CFAP251: variants seen among roughly 807,000 people sequenced by gnomAD.
CFAP251 encodes cilia- and flagella-associated protein 251.
Under a neutral mutation model 126.7 loss-of-function variants are expected in CFAP251, and 93 were observed. That is an observed-to-expected ratio of 0.73 (90% CI 0.62 to 0.87). CFAP251 has a LOEUF of 0.87. CFAP251 is among the 40% of genes least tolerant of loss of function. The pLI, the probability that CFAP251 is intolerant of heterozygous loss-of-function variation, is 0.00. For missense variants in CFAP251, 1,287 were observed against 1,389.2 expected (o/e 0.93, Z 1.17); for synonymous variants, 503 against 506.9 (o/e 0.99, Z 0.10).
At chr12:121,938,728 A>T (rs1880987730) in intron 5 of CFAP251, among the ~76,000 whole-genome samples, 1 of 149,078 alleles carries the variant, frequency 6.7e-6, no homozygotes, top group Non-Finnish European at 1.5e-5. Context: ...CATGCCTGTA[A>T]TCCCAGCACT....
intron 17 of CFAP251, chr12:121,969,241 T>C (rs1470896374): frequency 3.0e-6 from 3 of 985,260 alleles, no homozygotes; most frequent in Non-Finnish European, 3.6e-6. Context: ...TGAGCAAAAA[T>C]AGCCGGTTAA....
intron 10 of CFAP251, 29 bp downstream of exon 10, chr12:121,954,363 A>G (rs1398998303): frequency 1.4e-5 from 21 of 1,549,046 alleles, no homozygotes; most frequent in Non-Finnish European, 1.8e-5. Flanking sequence ...AAAGATAACT[A>G]TGGATAATTA....
chr12:121,940,687 C>T (rs945131628), intron 5 of CFAP251, among the ~76,000 whole-genome samples: 1 of 152,196 alleles, frequency 6.6e-6, no homozygotes, highest in Non-Finnish European at 1.5e-5. Flanking sequence ...TGTGCTTTGG[C>T]TGTCTTAGAT....
chr12:121,934,952 G>A lies in CFAP251; in HGVS notation c.998+596G>A, dbSNP rs372091788. On this transcript the variant is annotated intron_variant, in intron 5 of 21. Coordinates refer to ENST00000288912, the MANE Select transcript of CFAP251 (RefSeq NM_144668.6). ...CTCCTGAGTAGCTGGGACCACAGGC[G>A]CATGCAACCACACCTGGCTAACTTA... 8.6e-5 allele frequency among the ~76,000 whole-genome samples: 13 copies of A among 152,022 alleles called. No individual in the cohort carries two copies. The East Asian group carries it at 2.1e-3, about 25-fold the overall frequency.
At chr12:121,981,974 C>T (rs1388686009) in intron 19 of CFAP251, among the ~76,000 whole-genome samples, 4 of 152,084 alleles carry the variant, frequency 2.6e-5, no homozygotes, top group East Asian at 1.9e-4. Context: ...ACACGGCACA[C>T]GTTAAATGTT....
intron 21 of CFAP251, 186 bp downstream of exon 21, chr12:122,001,784 C>T (rs181258963): frequency 3.6e-5 from 22 of 611,562 alleles, no homozygotes; most frequent in African/African-American, 2.0e-4. Context: ...CTTTTGTTCC[C>T]GCGCTCTGTC....
At chr12:121,966,427 ATTTTT>A (rs1159106051) in intron 15 of CFAP251, among the ~76,000 whole-genome samples, 1 of 54,690 alleles carries the variant, frequency 1.8e-5, no homozygotes, top group South Asian at 8.8e-4. Context: ...TGCCTGGCTA[ATTTTT>A]TTTTTTTTTT....
rs559248917 is a variant in CFAP251 at position 121,976,733 on chromosome 12, C to T, written c.3006+1048C>T. ...AGCAGCCAGGGTAACATAGAGAGAT[C>T]CTATCTATACCCATCCCCCCCAAAA... On this transcript the variant is annotated intron_variant, in intron 19 of 21. Transcript: ENST00000288912. Among the ~76,000 whole-genome samples, 23 of 151,996 alleles carry T rather than the reference C, an allele frequency of 1.5e-4. 1 individual carries two copies. The South Asian group carries it at 1.9e-3, about 12-fold the overall frequency.
chr12:121,921,085 G>T (rs1382696095), intron 1 of CFAP251, among the ~76,000 whole-genome samples: 2 of 151,412 alleles, frequency 1.3e-5, no homozygotes, highest in African/African-American at 4.9e-5. Flanking sequence ...CTGACCTCAG[G>T]TGATCCATCT....
At chr12:121,967,772 G>C (rs1192000243) in intron 16 of CFAP251, among the ~76,000 whole-genome samples, 1 of 152,224 alleles carries the variant, frequency 6.6e-6, no homozygotes, top group Non-Finnish European at 1.5e-5. Context: ...GACCATGAAG[G>C]CAGGGAGGAA....
intron 19 of CFAP251, among the ~76,000 whole-genome samples, chr12:121,987,455 C>T (rs955920260): frequency 6.6e-6 from 1 of 152,122 alleles, no homozygotes; most frequent in Non-Finnish European, 1.5e-5. Context: ...TGGTTCATAC[C>T]CGTAATCCCA....
intron 17 of CFAP251, among the ~76,000 whole-genome samples, chr12:121,970,912 T>C (rs1408675179): frequency 6.6e-6 from 1 of 152,160 alleles, no homozygotes; most frequent in Non-Finnish European, 1.5e-5. Context: ...GGAGTCTCTT[T>C]CCCAGCTTGT....
At chr12:121,954,636 TAAAAAAAAAA>T (rs1174239421) in intron 10 of CFAP251, among the ~76,000 whole-genome samples, 15 of 41,984 alleles carry the variant, frequency 3.6e-4, no homozygotes, top group East Asian at 9.1e-4. Flanking sequence ...CCTCCTGTCT[TAAAAAAAAAA>T]AAAAAAAAAA....
chr12:121,991,639 G>T (rs1399156213), intron 19 of CFAP251, among the ~76,000 whole-genome samples: 1 of 152,094 alleles, frequency 6.6e-6, no homozygotes, highest in East Asian at 1.9e-4. Context: ...TCTCAAGCTT[G>T]GCTACGCATT....
In CFAP251 at chr12:121,974,559, T is replaced by A. The variant is rs1882411150; in HGVS notation, c.2772-685T>A. On this transcript the variant is annotated intron_variant, in intron 17 of 21. Coordinates refer to ENST00000288912, the MANE Select transcript of CFAP251 (RefSeq NM_144668.6). The surrounding 1 kb of genome is among the most constrained non-coding windows in gnomAD (Gnocchi z 4.6). Reference sequence around the variant, plus strand: ...ACTTCCCCACTTCCCCACTGTGGTCTACATGAGGTGTGCTTGATGTCGCAG... The same window carrying A: ...ACTTCCCCACTTCCCCACTGTGGTCAACATGAGGTGTGCTTGATGTCGCAG... Among the ~76,000 whole-genome samples the A allele has an allele frequency of 6.6e-6, 1 of 152,164 alleles. No homozygotes were observed. Among genetic ancestry groups the A allele is most frequent in the Admixed American group, 6.5e-5 (1 of 15,274 alleles).
At chr12:121,988,217 T>G (rs1882796809) in intron 19 of CFAP251, among the ~76,000 whole-genome samples, 1 of 152,160 alleles carries the variant, frequency 6.6e-6, no homozygotes, top group Non-Finnish European at 1.5e-5. Context: ...TTATTTTCTT[T>G]TCTTAAAAAA....
chr12:121,967,681 G>A (rs562693508), intron 16 of CFAP251, among the ~76,000 whole-genome samples: 10 of 152,316 alleles, frequency 6.6e-5, no homozygotes, highest in Non-Finnish European at 1.5e-4. Context: ...CAGCCTGGAC[G>A]ACAGAGTGAG....
At chr12:122,002,546 AAAAG>A (rs780364383) in intron 21 of CFAP251, among the ~76,000 whole-genome samples, 3 of 151,634 alleles carry the variant, frequency 2.0e-5, no homozygotes, top group Non-Finnish European at 2.9e-5. Context: ...TCTCAATTAA[AAAAG>A]AGAGAGAGAG....
In CFAP251 at chr12:121,923,749, A is replaced by G; in HGVS notation, c.506A>G (p.Gln169Arg). 6.2e-7 allele frequency: 1 copy of G among 1,614,200 alleles called. No individual in the cohort carries two copies. Among genetic ancestry groups the G allele is most frequent in the Middle Eastern group, 1.6e-4 (1 of 6,062 alleles). The change falls in exon 3 of 22, where the codon CAA becomes CGA. Residue 169 changes from glutamine (Q) to arginine (R), a missense_variant. Gln to Arg is a conservative substitution (Grantham distance 43, BLOSUM62 1). Transcript: ENST00000288912. ...TTGGATCAAATCAGTCCTGAGGAACAACAGATTAGTTCCCCTGAAAGGCAG... is the reference window on the plus strand; with the variant it reads ...TTGGATCAAATCAGTCCTGAGGAACGACAGATTAGTTCCCCTGAAAGGCAG... Reference protein sequence around the residue: ...LDLDQISPEEQQISSPERQPS... With the variant: ...LDLDQISPEERQISSPERQPS...
Sources: gnomAD v4.1 joint callset for allele counts (sites outside exome capture counted in the v4.1 genomes callset) on GRCh38, gnomAD v4.1.1 for gene constraint, Gnocchi (gnomAD v3.1) non-coding constraint, MANE v1.5 for transcripts, NCBI Gene and HGNC (gene_info 2026-07-23, HGNC 2026-07-21) for gene names.